TMEM45A: variants seen among roughly 807,000 people sequenced by gnomAD.
TMEM45A encodes the protein transmembrane protein 45A.
A neutral mutation model predicts 32.0 loss-of-function variants in TMEM45A; 25 were observed. The observed-to-expected ratio is 0.78, with a 90% CI of 0.57 to 1.09. TMEM45A has a LOEUF of 1.09. TMEM45A is among the 50% of genes least tolerant of loss of function. TMEM45A has a pLI of 0.00. For missense variants in TMEM45A, 302 were observed against 325.0 expected (o/e 0.93, Z 0.54); for synonymous variants, 122 against 114.8 (o/e 1.06, Z -0.40).
intron 1 of TMEM45A, among the ~76,000 whole-genome samples, chr3:100,512,506 C>G (rs1004185720): frequency 6.6e-6 from 1 of 152,218 alleles, no homozygotes; most frequent in African/African-American, 2.4e-5. Flanking sequence ...GCACTAAATG[C>G]CCACAAGAGA....
chr3:100,510,629 C>T (rs1708144918), intron 1 of TMEM45A, among the ~76,000 whole-genome samples: 1 of 152,260 alleles, frequency 6.6e-6, no homozygotes, highest in Non-Finnish European at 1.5e-5. Context: ...TGGAGAATGA[C>T]TTTGACGAGC....
intron 1 of TMEM45A, among the ~76,000 whole-genome samples, chr3:100,498,549 CTCAAAA>C (rs1375566768): frequency 6.6e-6 from 1 of 152,136 alleles, no homozygotes; most frequent in East Asian, 1.9e-4. Flanking sequence ...TGAACCAATT[CTCAAAA>C]TCAATCTGTC....
chr3:100,540,307 A>G (rs1466081825), intron 1 of TMEM45A, among the ~76,000 whole-genome samples: 1 of 152,188 alleles, frequency 6.6e-6, no homozygotes, highest in Admixed American at 6.5e-5. Flanking sequence ...AAATCTGATA[A>G]AAGACACATA....
At chr3:100,500,395 T>C (rs1474409842) in intron 1 of TMEM45A, among the ~76,000 whole-genome samples, 1 of 151,632 alleles carries the variant, frequency 6.6e-6, no homozygotes, top group Non-Finnish European at 1.5e-5. Context: ...CACGTAACAG[T>C]GGTATTGGGT....
intron 2 of TMEM45A, among the ~76,000 whole-genome samples, chr3:100,556,095 C>T (rs1378983851): frequency 6.6e-6 from 1 of 152,078 alleles, no homozygotes; most frequent in Non-Finnish European, 1.5e-5. Flanking sequence ...AGCAGTTGTG[C>T]CTCAGCTCCC....
At chr3:100,511,574 A>C (rs534133215) in intron 1 of TMEM45A, among the ~76,000 whole-genome samples, 1 of 152,296 alleles carries the variant, frequency 6.6e-6, no homozygotes, top group East Asian at 1.9e-4. Flanking sequence ...ACTAATGAGC[A>C]AAATAACCAG....
chr3:100,498,001 G>C (rs1001451191), intron 1 of TMEM45A, among the ~76,000 whole-genome samples: 1 of 152,184 alleles, frequency 6.6e-6, no homozygotes, highest in African/African-American at 2.4e-5. Flanking sequence ...TAATCCACAC[G>C]TGGAGAGGGA....
Position 100,492,779 on chromosome 3 carries a change from G to T in TMEM45A, c.-153G>T, listed in dbSNP as rs1284170122. On this transcript the variant is annotated 5_prime_UTR_variant, in exon 1 of 6. Coordinates refer to ENST00000323523, the MANE Select transcript of TMEM45A (RefSeq NM_018004.3). ...TTCCTCCCCCCACCCAATGCGAGAC[G>T]TGGCCAGATCCCATCCAACACACGG... 1 of 136,168 alleles carries T rather than the reference G, an allele frequency of 7.3e-6. No homozygotes were observed. Among genetic ancestry groups the T allele is most frequent in the Non-Finnish European group, 1.5e-5 (1 of 64,526 alleles). The allele number at this position is 136,168 out of a possible 1,614,324, so 8.4% of individuals were successfully genotyped here.
chr3:100,557,209 A>G (rs538458618), intron 3 of TMEM45A, among the ~76,000 whole-genome samples: 1 of 152,322 alleles, frequency 6.6e-6, no homozygotes, highest in East Asian at 1.9e-4. Context: ...CACATTTCAC[A>G]TCTGTCTCAA....
At position 100,549,897 on chromosome 3, in the gene TMEM45A, C is replaced by G. The variant is rs948330965; in HGVS notation, c.-3-5312C>G. Among the ~76,000 whole-genome samples the G allele has an allele frequency of 4.0e-5, 6 of 151,678 alleles. No individual in the cohort carries two copies. The South Asian group carries it at 1.2e-3, about 32-fold the overall frequency. On this transcript the variant is annotated intron_variant, in intron 1 of 5. Transcript: ENST00000323523. ...TCCATGTCCCTACAAAGGACATGAA[C>G]TCATCATTTTTTATGGCTGCATAGT... is the stretch of plus-strand genomic sequence containing the variant.
chr3:100,573,753 T>C (rs994602901), intron 5 of TMEM45A: 53 of 152,346 alleles, frequency 3.5e-4, no homozygotes, highest in African/African-American at 1.2e-3. Flanking sequence ...AGATAGCTTT[T>C]ATTATTTTGA....
intron 1 of TMEM45A, among the ~76,000 whole-genome samples, chr3:100,551,920 C>T (rs1706112981): frequency 6.6e-6 from 1 of 152,132 alleles, no homozygotes; most frequent in Non-Finnish European, 1.5e-5. Context: ...CACTATTCCC[C>T]ATTGCCTCCT....
intron 1 of TMEM45A, among the ~76,000 whole-genome samples, chr3:100,516,667 T>C (rs1211077040): frequency 6.6e-6 from 1 of 152,164 alleles, no homozygotes; most frequent in Admixed American, 6.6e-5. Flanking sequence ...TTGTAAAGAC[T>C]CAGAAAAGGC....
At chr3:100,522,886 C>T (rs991389961) in intron 1 of TMEM45A, among the ~76,000 whole-genome samples, 1 of 152,186 alleles carries the variant, frequency 6.6e-6, no homozygotes, top group Non-Finnish European at 1.5e-5. Flanking sequence ...TGTACTTTCC[C>T]AGGATGTTGT....
chr3:100,497,484 A>G (rs912233294), intron 1 of TMEM45A, among the ~76,000 whole-genome samples: 1 of 152,194 alleles, frequency 6.6e-6, no homozygotes, highest in African/African-American at 2.4e-5. Flanking sequence ...GTGTGTAACC[A>G]TCACCACCAT....
At position 100,537,522 on chromosome 3, in the gene TMEM45A, G is replaced by A. The variant is rs1705764136; in HGVS notation, c.-3-17687G>A. 5.9e-5 allele frequency among the ~76,000 whole-genome samples: 9 copies of A among 152,172 alleles called. 1 individual carries two copies. In the South Asian group the frequency reaches 1.9e-3, roughly 32 times the overall value. ...ATCTAGGAGTGGCTTTCCTTCCCAA[G>A]GTGGTCCCTGTGCTCTTGTAGAGAA... On this transcript the variant is annotated intron_variant, in intron 1 of 5. Coordinates refer to ENST00000323523, the MANE Select transcript of TMEM45A (RefSeq NM_018004.3).
At chr3:100,568,225 A>G (rs556789909) in intron 4 of TMEM45A, among the ~76,000 whole-genome samples, 24 of 152,154 alleles carry the variant, frequency 1.6e-4, no homozygotes, top group Non-Finnish European at 3.4e-4. Context: ...TTTTAAAGGA[A>G]TTTCTATATA....
chr3:100,530,195 C>T (rs1450504045), intron 1 of TMEM45A, among the ~76,000 whole-genome samples: 1 of 152,164 alleles, frequency 6.6e-6, no homozygotes, highest in African/African-American at 2.4e-5. Context: ...AGTTAGGGTT[C>T]TCTAGAGAGA....
intron 1 of TMEM45A, among the ~76,000 whole-genome samples, chr3:100,539,593 C>G (rs988437770): frequency 9.9e-5 from 15 of 151,944 alleles, no homozygotes; most frequent in Admixed American, 3.3e-4. Flanking sequence ...AACTGGAAGG[C>G]CTGCTGGTAT....
Sources: allele counts gnomAD v4.1 joint callset (sites outside exome capture counted in the v4.1 genomes callset), GRCh38; gene constraint gnomAD v4.1.1; transcripts MANE v1.5; gene names NCBI Gene and HGNC (gene_info 2026-07-23, HGNC 2026-07-21).